Variants in PTPRD observed in about 807,000 individuals in gnomAD.
The protein encoded by PTPRD is protein tyrosine phosphatase receptor type D, also known as receptor-type tyrosine-protein phosphatase delta.
In PTPRD, 34 loss-of-function variants were observed where a neutral mutation model predicts 214.5. The ratio of observed to expected loss-of-function variants is 0.16; its 90% CI spans 0.12 to 0.21. The LOEUF is 0.21. PTPRD is among the 10% of genes least tolerant of loss of function. The pLI is 1.00. For missense variants in PTPRD, 2,545 were observed against 2,398.7 expected, an observed-to-expected ratio of 1.06 and a Z score of -1.27; for synonymous variants, 1,128 against 845.7, an observed-to-expected ratio of 1.33 and a Z score of -5.79.
intron 2 of PTPRD, among the ~76,000 whole-genome samples, chr9:10,483,987 A>G (rs1033354490): frequency 1.3e-5 from 2 of 152,198 alleles, no homozygotes; most frequent in Non-Finnish European, 2.9e-5. Context: ...ATATCGCAGT[A>G]AAATTCACAA....
At chr9:9,179,003 A>G (rs1016442343) in intron 10 of PTPRD, among the ~76,000 whole-genome samples, 2 of 152,104 alleles carry the variant, frequency 1.3e-5, no homozygotes, top group Non-Finnish European at 2.9e-5. Context: ...CTTCTTTACT[A>G]AAAGTAACTA....
At chr9:8,507,132 G>C (rs2097558676) in intron 22 of PTPRD, among the ~76,000 whole-genome samples, 169 bp downstream of exon 22, 1 of 151,848 alleles carries the variant, frequency 6.6e-6, no homozygotes, top group East Asian at 1.9e-4. Flanking sequence ...TGTTGTTTTG[G>C]GGTTTTTCTT....
At chr9:9,350,358 G>C (rs2050643868) in intron 9 of PTPRD, among the ~76,000 whole-genome samples, 1 of 151,918 alleles carries the variant, frequency 6.6e-6, no homozygotes, top group Non-Finnish European at 1.5e-5. Flanking sequence ...GTTATTCCTG[G>C]CTTTATTTTT....
chr9:9,207,994 G>A (rs1302447420), intron 9 of PTPRD, among the ~76,000 whole-genome samples: 1 of 113,618 alleles, frequency 8.8e-6, no homozygotes. Context: ...AAGAAAAAAG[G>A]TGGTATGGCT....
At chr9:9,505,352 C>T (rs575696076) in intron 8 of PTPRD, among the ~76,000 whole-genome samples, 4 of 151,614 alleles carry the variant, frequency 2.6e-5, no homozygotes, top group African/African-American at 9.6e-5. Flanking sequence ...TGTTGGTCTA[C>T]TTTGCCATCA....
intron 7 of PTPRD, among the ~76,000 whole-genome samples, chr9:9,719,134 T>C (rs2097888938): frequency 1.3e-5 from 2 of 152,258 alleles, no homozygotes; most frequent in South Asian, 4.1e-4. Flanking sequence ...CTTCTGCCAT[T>C]CTGAGCCCAT....
chr9:8,440,422 TC>T (rs2095509667), intron 34 of PTPRD, among the ~76,000 whole-genome samples: 2 of 152,160 alleles, frequency 1.3e-5, no homozygotes, highest in South Asian at 4.1e-4. Context: ...TTCAAGTGGT[TC>T]CCCTGCCTCA....
At chr9:8,922,813 A>ATTT (rs560268362) in intron 11 of PTPRD, among the ~76,000 whole-genome samples, 3 of 139,702 alleles carry the variant, frequency 2.1e-5, no homozygotes, top group African/African-American at 7.9e-5. Context: ...CGCCCGGCTA[A>ATTT]TTTTTTTTTT....
chr9:9,034,843 G>A (rs906032492), intron 10 of PTPRD, among the ~76,000 whole-genome samples: 3 of 152,160 alleles, frequency 2.0e-5, no homozygotes, highest in Non-Finnish European at 4.4e-5. Context: ...CTCAATGAAT[G>A]CTACTTATTA....
intron 5 of PTPRD, among the ~76,000 whole-genome samples, chr9:9,839,937 A>G (rs990997803): frequency 1.3e-5 from 2 of 152,114 alleles, no homozygotes; most frequent in African/African-American, 2.4e-5. Flanking sequence ...CACAAGTTGA[A>G]AATTTGTATA....
At chr9:10,547,051 C>T (rs1249861647) in intron 2 of PTPRD, among the ~76,000 whole-genome samples, 2 of 151,984 alleles carry the variant, frequency 1.3e-5, no homozygotes, top group Admixed American at 6.6e-5. Flanking sequence ...ATATAATAGT[C>T]CTACAGGTCA....
chr9:9,302,590 G>GTT (rs761833535), intron 9 of PTPRD, among the ~76,000 whole-genome samples: 10 of 84,598 alleles, frequency 1.2e-4, no homozygotes, highest in Non-Finnish European at 1.6e-4. Context: ...ATGTTTTGTA[G>GTT]TTTTTTTTTT....
intron 2 of PTPRD, among the ~76,000 whole-genome samples, chr9:10,549,592 A>C (rs2060870592): frequency 6.6e-6 from 1 of 152,042 alleles, no homozygotes; most frequent in Non-Finnish European, 1.5e-5. Flanking sequence ...GACACAGATC[A>C]TTATGTTTAG....
At chr9:9,306,285 T>A (rs1056795303) in intron 9 of PTPRD, among the ~76,000 whole-genome samples, 3 of 151,098 alleles carry the variant, frequency 2.0e-5, no homozygotes, top group Admixed American at 6.6e-5. Context: ...TTTTCTCGGC[T>A]GGGCGCAGTG....
At chr9:9,089,572 C>A (rs1039137080) in intron 10 of PTPRD, among the ~76,000 whole-genome samples, 1 of 152,154 alleles carries the variant, frequency 6.6e-6, no homozygotes, top group Non-Finnish European at 1.5e-5. Context: ...AAATTGATTC[C>A]ATGTAGCAAA....
chr9:10,238,136 G>T (rs1335690127), intron 3 of PTPRD, among the ~76,000 whole-genome samples: 1 of 121,528 alleles, frequency 8.2e-6, no homozygotes, highest in Non-Finnish European at 2.0e-5. Context: ...ATGTTAGTGT[G>T]AAAGCTGACC....
In PTPRD at chr9:10,418,446, TACACACACACAC is replaced by T. The variant is rs3076350; in HGVS notation, c.-599-77441_-599-77430del. On this transcript the variant is annotated intron_variant, in intron 2 of 45. Transcript: ENST00000381196. ...ACATTTAAAATGAAGCCTTCCCCTC[TACACACACACAC>T]ACACACACACACACACACACACACA... Among the ~76,000 whole-genome samples, 337 of 124,724 alleles carry T rather than the reference TACACACACACAC, an allele frequency of 2.7e-3. 1 individual carries two copies. Among genetic ancestry groups the T allele is most frequent in the African/African-American group, 4.7e-3 (152 of 32,536 alleles). 81.8% of individuals were successfully genotyped at this position (124,724 alleles called of 152,430 possible). A position where few individuals can be genotyped will look rare whatever the true frequency, so the allele number is the denominator to read the frequency against.
intron 7 of PTPRD, among the ~76,000 whole-genome samples, chr9:9,679,137 T>C (rs1394379852): frequency 2.1e-5 from 3 of 143,308 alleles, no homozygotes; most frequent in African/African-American, 2.6e-5. Context: ...AAAAAAAACC[T>C]AGAAGAAAAT....
intron 9 of PTPRD, among the ~76,000 whole-genome samples, chr9:9,329,348 C>A (rs564194226): frequency 6.6e-6 from 1 of 152,132 alleles, no homozygotes; most frequent in African/African-American, 2.4e-5. Context: ...CCCATTTCAT[C>A]TTTTCATAAC....
Sources: gnomAD v4.1 joint callset for allele counts (sites outside exome capture counted in the v4.1 genomes callset) on GRCh38, gnomAD v4.1.1 for gene constraint, MANE v1.5 for transcripts, NCBI Gene and HGNC (gene_info 2026-07-23, HGNC 2026-07-21) for gene names.